Variants in VNN2 observed in about 807,000 individuals in gnomAD.
The protein encoded by VNN2 is pantetheine hydrolase VNN2.
Under a neutral mutation model 43.0 loss-of-function variants are expected in VNN2, and 43 were observed. That is an observed-to-expected ratio of 1.00 (90% CI 0.78 to 1.29). The LOEUF is 1.29. Among genes scored for constraint, VNN2 ranks in the 50% most tolerant of loss-of-function variants. The pLI is 0.00. For missense variants in VNN2, 652 were observed against 619.7 expected, an observed-to-expected ratio of 1.05 and a Z score of -0.55; for synonymous variants, 230 against 224.3, an observed-to-expected ratio of 1.03 and a Z score of -0.23.
intron 6 of VNN2, among the ~76,000 whole-genome samples, chr6:132,749,190 G>A (rs1020784861): frequency 6.6e-6 from 1 of 152,118 alleles, no homozygotes; most frequent in Non-Finnish European, 1.5e-5. Context: ...CCCATTGAGA[G>A]GTCTGAGTTC....
intron 6 of VNN2, among the ~76,000 whole-genome samples, chr6:132,746,141 A>G (rs369523023): frequency 6.6e-6 from 1 of 152,266 alleles, no homozygotes; most frequent in Non-Finnish European, 1.5e-5. Flanking sequence ...CTAACTAGTT[A>G]GTTACAGAGA....
At chr6:132,744,545 G>A in intron 6 of VNN2, 54 bp from the exon 7 acceptor site, 1 of 1,492,272 alleles carries the variant, frequency 6.7e-7, no homozygotes, top group Non-Finnish European at 9.0e-7. Context: ...GAAGTTAAAA[G>A]CAAATTAATC....
At chr6:132,744,925 A>G (rs1266986638) in intron 6 of VNN2, among the ~76,000 whole-genome samples, 1 of 151,288 alleles carries the variant, frequency 6.6e-6, no homozygotes, top group African/African-American at 2.5e-5. Flanking sequence ...CTGAGAAAAA[A>G]AAAACTGAAC....
chr6:132,762,767 C>G (rs1208467434), upstream of VNN2, among the ~76,000 whole-genome samples: 1 of 152,134 alleles, frequency 6.6e-6, no homozygotes. Context: ...GAAAGCACTG[C>G]TAGATGGAAA....
chr6:132,753,377 G>C (rs1251661808), intron 3 of VNN2: 2 of 392,232 alleles, frequency 5.1e-6, no homozygotes, highest in African/African-American at 4.3e-5. Flanking sequence ...TTGAATCCTT[G>C]GTGCCTAGAA....
intron 5 of VNN2, among the ~76,000 whole-genome samples, chr6:132,750,670 A>G (rs1393900757): frequency 6.6e-6 from 1 of 150,404 alleles, no homozygotes; most frequent in Non-Finnish European, 1.5e-5. Flanking sequence ...TCAAAAAAAA[A>G]AAAAAGAAAA....
Position 132,744,503 on chromosome 6 carries a change from G to C in VNN2, c.1372-12C>G, listed in dbSNP as rs552535422. 3 of 1,562,066 alleles carry C rather than the reference G, an allele frequency of 1.9e-6. No homozygotes were observed. In the African/African-American group the frequency reaches 4.2e-5, roughly 22 times the overall value. ...CCATCTTTCAGCACCTAAAGAAAAG[G>C]TGGGAAAAGTACAGTCAGCTTTCTT... On this transcript the variant is annotated splice_polypyrimidine_tract_variant and intron_variant, in intron 6 of 6. Transcript: ENST00000326499.
chr6:132,750,489 G>GTATATGTGTGTATGTA (rs370255760), intron 5 of VNN2, among the ~76,000 whole-genome samples: 3,803 of 93,802 alleles, frequency 0.041, 364 homozygotes, highest in South Asian at 0.061. Flanking sequence ...AAAATATTTT[G>GTATATGTGTGTATGTA]TATATGTGTA....
At chr6:132,755,375 T>C (rs966680253) in intron 3 of VNN2, among the ~76,000 whole-genome samples, 2 of 106,144 alleles carry the variant, frequency 1.9e-5, no homozygotes, top group Admixed American at 2.0e-4. Context: ...TTTCTTTTTC[T>C]TTTTTTTCTT....
chr6:132,744,333 C>T lies in VNN2; in HGVS notation c.1530G>A (p.Met510Ile). ...ITYLLIFILLMIIALQNIVML is the reference protein window; with the variant it reads ...ITYLLIFILLIIIALQNIVML ...TTACAATATTTTGCAAAGCTATGATCATTAATAATATGAATATTAGCAGGT... is the reference window on the plus strand; with the variant it reads ...TTACAATATTTTGCAAAGCTATGATTATTAATAATATGAATATTAGCAGGT... The change falls in exon 7 of 7, where the codon ATG becomes ATA. Residue 510 changes from methionine (M) to isoleucine (I), a missense_variant. By Grantham distance (10) the Met-to-Ile change is conservative (BLOSUM62 1). Coordinates refer to ENST00000326499, the MANE Select transcript of VNN2 (RefSeq NM_004665.6). The T allele has an allele frequency of 6.2e-7, 1 of 1,612,778 alleles. No homozygotes were observed.
Position 132,751,538 on chromosome 6 carries a change from C to T in VNN2, c.827-20G>A. On this transcript the variant is annotated intron_variant, in intron 4 of 6. Coordinates refer to ENST00000326499, the MANE Select transcript of VNN2 (RefSeq NM_004665.6). ...CACTTCCTGTGAATGAAAGACAAGT[C>T]TTCTAAAAACAACACCACACACAAA... 16 of 1,582,754 alleles carry T rather than the reference C, an allele frequency of 1.0e-5. No homozygotes were observed. Among genetic ancestry groups the T allele is most frequent in the Non-Finnish European group, 1.4e-5 (16 of 1,165,430 alleles).
At chr6:132,759,414 G>T (rs1009293654), upstream of VNN2, among the ~76,000 whole-genome samples, 2 of 142,002 alleles carry the variant, frequency 1.4e-5, no homozygotes, top group Non-Finnish European at 3.0e-5. Flanking sequence ...GCTCCAGGCT[G>T]GGCGACAGAG....
In VNN2 at chr6:132,747,629, T is replaced by C. The variant is rs927156989; in HGVS notation, c.1371+2066A>G. The stretch of plus-strand genomic sequence containing the variant: ...GAGACGCCATCTCAAATAATAATAA[T>C]AATTAAAAATAATTTAAAAAAATGT... On this transcript the variant is annotated intron_variant, in intron 6 of 6. Coordinates refer to ENST00000326499, the MANE Select transcript of VNN2 (RefSeq NM_004665.6). 7.2e-5 allele frequency among the ~76,000 whole-genome samples: 11 copies of C among 152,210 alleles called. No homozygotes were observed. The East Asian group carries it at 2.1e-3, about 29-fold the overall frequency.
chr6:132,744,583 A>G lies in VNN2; in HGVS notation c.1372-92T>C, dbSNP rs904157713. The G allele has an allele frequency of 5.6e-6, 7 of 1,259,022 alleles. No homozygotes were observed. In the African/African-American group the frequency reaches 1.1e-4, roughly 19 times the overall value. The allele number at this position is 1,259,022 out of a possible 1,614,324, so 78.0% of individuals were successfully genotyped here. On this transcript the variant is annotated intron_variant, in intron 6 of 6. Coordinates refer to ENST00000326499, the MANE Select transcript of VNN2 (RefSeq NM_004665.6). ...TTTGAAACCATCCTAGATATAATGT[A>G]TAGTCAAATCATTTCTGATTTAGGA...
chr6:132,744,363 T>G lies in VNN2; in HGVS notation c.1500A>C (p.Ile500=). The G allele has an allele frequency of 6.2e-7, 1 of 1,612,778 alleles. No homozygotes were observed. The highest frequency in any genetic ancestry group is 2.2e-5 in the East Asian group (1 of 44,860). Residue 500 remains isoleucine, a synonymous_variant, in exon 7 of 7, where the codon ATA becomes ATC. Coordinates refer to ENST00000326499, the MANE Select transcript of VNN2 (RefSeq NM_004665.6). ...YSSCGTSNSA[I]TYLLIFILLM... Reference sequence around the variant, plus strand: ...ATAATATGAATATTAGCAGGTAAGTTATTGCTGAATTGCTGGTCCCACATG... The same window carrying G: ...ATAATATGAATATTAGCAGGTAAGTGATTGCTGAATTGCTGGTCCCACATG...
At chr6:132,755,523 G>T (rs1780409420) in intron 3 of VNN2, among the ~76,000 whole-genome samples, 1 of 151,660 alleles carries the variant, frequency 6.6e-6, no homozygotes, top group African/African-American at 2.4e-5. Context: ...ACAGGCATGT[G>T]CCATCACGCC....
At chr6:132,758,273 G>A (rs1360787598), upstream of VNN2, among the ~76,000 whole-genome samples, 1 of 151,884 alleles carries the variant, frequency 6.6e-6, no homozygotes, top group African/African-American at 2.4e-5. Flanking sequence ...TCAAACTCCT[G>A]ATCTTGTGAT....
At chr6:132,757,611 G>A (rs118008281) in intron 1 of VNN2, 60 bp downstream of exon 1, 218 of 1,607,082 alleles carry the variant, frequency 1.4e-4, no homozygotes, top group African/African-American at 2.9e-4. Context: ...CAGCTCTCTC[G>A]TCTTCCACCA....
At chr6:132,753,623 A>G in intron 3 of VNN2, 1 of 294,148 alleles carries the variant, frequency 3.4e-6, no homozygotes, top group Non-Finnish European at 6.8e-6. Context: ...AAAATATCTA[A>G]AAAATAGAAA....
Sources: gnomAD v4.1 joint callset for allele counts (sites outside exome capture counted in the v4.1 genomes callset) on GRCh38, gnomAD v4.1.1 for gene constraint, MANE v1.5 for transcripts, NCBI Gene and HGNC (gene_info 2026-07-23, HGNC 2026-07-21) for gene names.